Variants in GPM6A observed in about 807,000 individuals in gnomAD.
GPM6A encodes the protein neuronal membrane glycoprotein M6-a.
A neutral mutation model predicts 32.1 loss-of-function variants in GPM6A; 7 were observed. The observed-to-expected ratio is 0.22, with a 90% CI of 0.12 to 0.41. The LOEUF is 0.41. Among genes scored for constraint, GPM6A ranks in the 10% least tolerant of loss-of-function variants. GPM6A has a pLI of 1.00. For synonymous variants in GPM6A, 130 were observed against 123.4 expected, an observed-to-expected ratio of 1.05 and a Z score of -0.35; for missense variants, 235 against 347.2, an observed-to-expected ratio of 0.68 and a Z score of 2.57.
chr4:175,980,577 CTG>C (rs1416671428), intron 1 of GPM6A, among the ~76,000 whole-genome samples: 1 of 152,066 alleles, frequency 6.6e-6, no homozygotes, highest in Non-Finnish European at 1.5e-5. Flanking sequence ...CCTAAATAAA[CTG>C]GGGTTCTTAA....
At chr4:175,921,233 G>T (rs1738655287) in intron 1 of GPM6A, among the ~76,000 whole-genome samples, 2 of 151,816 alleles carry the variant, frequency 1.3e-5, no homozygotes. Context: ...TTAATATTCA[G>T]TGTGATCTAT....
chr4:175,712,988 T>C (rs1484737734), intron 1 of GPM6A, among the ~76,000 whole-genome samples: 4 of 152,166 alleles, frequency 2.6e-5, no homozygotes, highest in African/African-American at 9.7e-5. Context: ...CATCAGCACA[T>C]CAGAATTAGT....
intron 1 of GPM6A, among the ~76,000 whole-genome samples, chr4:175,766,099 C>G (rs1021638572): frequency 6.6e-6 from 1 of 152,142 alleles, no homozygotes; most frequent in Non-Finnish European, 1.5e-5. Context: ...CTACTCGGTC[C>G]TACATGAGAC....
At chr4:175,862,797 G>A (rs1037937167) in intron 1 of GPM6A, among the ~76,000 whole-genome samples, 1 of 151,756 alleles carries the variant, frequency 6.6e-6, no homozygotes, top group Non-Finnish European at 1.5e-5. Context: ...GGTATATCCA[G>A]TGAATATTTC....
intron 1 of GPM6A, among the ~76,000 whole-genome samples, chr4:175,828,988 G>A (rs984953611): frequency 1.4e-4 from 21 of 152,092 alleles, no homozygotes; most frequent in African/African-American, 3.9e-4. Flanking sequence ...CAGTGGCACC[G>A]TCTTGGCTCA....
intron 1 of GPM6A, among the ~76,000 whole-genome samples, chr4:175,992,467 A>G (rs1741181384): frequency 6.6e-6 from 1 of 152,204 alleles, no homozygotes; most frequent in African/African-American, 2.4e-5. Flanking sequence ...AAATGCTGCT[A>G]TGGGAGCATC....
chr4:175,892,721 T>C (rs749793210), intron 1 of GPM6A, among the ~76,000 whole-genome samples: 5 of 152,164 alleles, frequency 3.3e-5, no homozygotes, highest in Non-Finnish European at 4.4e-5. Context: ...CCTCAAACAA[T>C]GGCAGTGAAT....
At chr4:175,739,783 T>C (rs1159749618) in intron 1 of GPM6A, among the ~76,000 whole-genome samples, 1 of 152,118 alleles carries the variant, frequency 6.6e-6, no homozygotes, top group Non-Finnish European at 1.5e-5. Flanking sequence ...TGAGCCACCA[T>C]AATCTCTTAA....
chr4:175,912,522 G>A (rs1198637393), intron 1 of GPM6A, among the ~76,000 whole-genome samples: 1 of 152,152 alleles, frequency 6.6e-6, no homozygotes, highest in Non-Finnish European at 1.5e-5. Context: ...GGATGTGGTG[G>A]TGCATGCCTG....
intron 1 of GPM6A, among the ~76,000 whole-genome samples, chr4:175,894,862 T>A (rs2111481725): frequency 6.6e-6 from 1 of 152,284 alleles, no homozygotes; most frequent in East Asian, 1.9e-4. Flanking sequence ...CAAAAAGAGA[T>A]TAAGTATCAC....
At chr4:175,936,918 C>T (rs1739259688) in intron 1 of GPM6A, among the ~76,000 whole-genome samples, 2 of 151,870 alleles carry the variant, frequency 1.3e-5, no homozygotes, top group Admixed American at 1.3e-4. Context: ...TAAAAATGTC[C>T]AGTAATATGT....
intron 1 of GPM6A, among the ~76,000 whole-genome samples, chr4:175,827,704 A>G (rs1206747577): frequency 6.6e-6 from 1 of 152,228 alleles, no homozygotes; most frequent in Non-Finnish European, 1.5e-5. Context: ...AGGAGCAATC[A>G]GAGTTTCAAA....
intron 1 of GPM6A, among the ~76,000 whole-genome samples, chr4:175,856,773 C>T (rs548530881): frequency 6.6e-6 from 1 of 152,254 alleles, no homozygotes; most frequent in African/African-American, 2.4e-5. Context: ...CTCCTCTCAA[C>T]ATTCAGATGC....
At chr4:175,780,198 C>T (rs530235580) in intron 1 of GPM6A, among the ~76,000 whole-genome samples, 2 of 151,958 alleles carry the variant, frequency 1.3e-5, no homozygotes, top group African/African-American at 4.8e-5. Flanking sequence ...CATGTGCCTG[C>T]CCCCACGCCC....
At chr4:175,834,599 C>T (rs566223475) in intron 1 of GPM6A, among the ~76,000 whole-genome samples, 25 of 152,066 alleles carry the variant, frequency 1.6e-4, no homozygotes, top group African/African-American at 6.0e-4. Context: ...ACGGATTAAA[C>T]TATCAGCATT....
intron 1 of GPM6A, among the ~76,000 whole-genome samples, chr4:175,907,948 T>C (rs1738184064): frequency 6.6e-6 from 1 of 152,076 alleles, no homozygotes; most frequent in Non-Finnish European, 1.5e-5. Flanking sequence ...AAACCTACGA[T>C]GGGTAAGGGA....
In GPM6A at chr4:175,853,028, T is replaced by G. The variant is rs552313400; in HGVS notation, c.-22-40779A>C. ...TGCCAATATCATGCTTCTTCTTAGATCTAACGTCCTCTCCTTTAGGGAACT... is the reference window on the plus strand; with the variant it reads ...TGCCAATATCATGCTTCTTCTTAGAGCTAACGTCCTCTCCTTTAGGGAACT... On this transcript the variant is annotated intron_variant, in intron 1 of 7. Transcript: ENST00000280187. 1.8e-3 allele frequency among the ~76,000 whole-genome samples: 275 copies of G among 152,250 alleles called. 1 individual carries two copies. The highest frequency in any genetic ancestry group is 6.4e-3 in the African/African-American group (266 of 41,564).
At chr4:175,802,587 A>C (rs1734514196) in intron 1 of GPM6A, among the ~76,000 whole-genome samples, 1 of 152,120 alleles carries the variant, frequency 6.6e-6, no homozygotes, top group East Asian at 1.9e-4. Context: ...AACATTACTA[A>C]ACATATCCTA....
chr4:175,815,409 A>C (rs558352328), upstream of GPM6A, among the ~76,000 whole-genome samples: 1 of 152,232 alleles, frequency 6.6e-6, no homozygotes, highest in Non-Finnish European at 1.5e-5. Context: ...ATCTTAAACT[A>C]GTTAGAAAAG....
Sources: allele counts gnomAD v4.1 joint callset (sites outside exome capture counted in the v4.1 genomes callset), GRCh38; gene constraint gnomAD v4.1.1; transcripts MANE v1.5; gene names NCBI Gene and HGNC (gene_info 2026-07-23, HGNC 2026-07-21).